The following PDS5B variants were observed in gnomAD, a reference collection of about 807,000 sequenced individuals.
PDS5B encodes the protein PDS5 cohesin associated factor B.
A neutral mutation model predicts 184.1 loss-of-function variants in PDS5B; 51 were observed. The observed-to-expected ratio is 0.28, with a 90% CI of 0.22 to 0.35. PDS5B has a LOEUF of 0.35. Ranked by LOEUF, PDS5B falls within the 10% of genes least tolerant of loss-of-function variation. The probability of loss-of-function intolerance (pLI) is 1.00; values close to 1 mark genes in which losing one functional copy is unlikely to be tolerated. For missense variants in PDS5B, 1,180 were observed against 1,723.3 expected (o/e 0.68, Z 5.58); for synonymous variants, 566 against 569.2 (o/e 0.99, Z 0.08).
intron 19 of PDS5B, among the ~76,000 whole-genome samples, chr13:32,716,968 T>C (rs1593499543): frequency 1.3e-5 from 1 of 79,768 alleles, no homozygotes; most frequent in African/African-American, 5.1e-5. Context: ...GGGAGGGAGG[T>C]GGGGGGGTCA....
chr13:32,632,829 C>T (rs183813626), intron 1 of PDS5B, among the ~76,000 whole-genome samples: 42 of 152,290 alleles, frequency 2.8e-4, no homozygotes, highest in Admixed American at 7.2e-4. Context: ...CTGGGCCAGG[C>T]GTGGTGGCTC....
At chr13:32,619,139 T>C (rs1243666982) in intron 1 of PDS5B, among the ~76,000 whole-genome samples, 1 of 144,410 alleles carries the variant, frequency 6.9e-6, no homozygotes, top group Non-Finnish European at 1.5e-5. Context: ...CTAAATGATT[T>C]AAAAATTTGG....
intron 19 of PDS5B, among the ~76,000 whole-genome samples, chr13:32,730,349 C>A (rs968678967): frequency 6.6e-6 from 1 of 152,024 alleles, no homozygotes; most frequent in Non-Finnish European, 1.5e-5. Context: ...GTTACTGTAG[C>A]CTTGTAGTAT....
At chr13:32,724,294 T>C (rs994980351) in intron 19 of PDS5B, among the ~76,000 whole-genome samples, 1 of 152,062 alleles carries the variant, frequency 6.6e-6, no homozygotes, top group Non-Finnish European at 1.5e-5. Flanking sequence ...TTTTAAACTT[T>C]TTGTAGAGAT....
intron 19 of PDS5B, among the ~76,000 whole-genome samples, chr13:32,725,702 C>G (rs1317980905): frequency 3.3e-5 from 5 of 152,138 alleles, no homozygotes; most frequent in South Asian, 4.1e-4. Flanking sequence ...TTCAATTTTA[C>G]ATTTATATCT....
At chr13:32,657,271 TATTTTTAGG>T (rs1189548837) in intron 3 of PDS5B, among the ~76,000 whole-genome samples, 1 of 152,236 alleles carries the variant, frequency 6.6e-6, no homozygotes, top group African/African-American at 2.4e-5. Context: ...TGGATGCATA[TATTTTTAGG>T]ATAGTTAGGT....
rs200384000 is a variant in PDS5B at position 32,758,530 on chromosome 13, G to A, written c.3190-4G>A. ...TCTGTGTTTTTAAAAATATACTATT[G>A]CAGAAACTGTACACTGTGTGTGATG... On this transcript the variant is annotated splice_polypyrimidine_tract_variant and splice_region_variant and intron_variant, in intron 27 of 34. Coordinates refer to ENST00000315596, the MANE Select transcript of PDS5B (RefSeq NM_015032.4). 1 of 1,607,788 alleles carries A rather than the reference G, an allele frequency of 6.2e-7. No homozygotes were observed. Among genetic ancestry groups the A allele is most frequent in the East Asian group, 2.2e-5 (1 of 44,786 alleles).
At chr13:32,771,641 C>T (rs573956305) in intron 33 of PDS5B, among the ~76,000 whole-genome samples, 1 of 152,070 alleles carries the variant, frequency 6.6e-6, no homozygotes, top group South Asian at 2.1e-4. Context: ...GGGTGTCTAG[C>T]CAGTACTTCA....
At chr13:32,597,900 A>T (rs1236156488) in intron 1 of PDS5B, among the ~76,000 whole-genome samples, 1 of 151,928 alleles carries the variant, frequency 6.6e-6, no homozygotes, top group Non-Finnish European at 1.5e-5. Context: ...TTTTAAAATG[A>T]TGAATTTTTT....
intron 1 of PDS5B, among the ~76,000 whole-genome samples, chr13:32,600,990 A>T (rs1167915754): frequency 6.6e-6 from 1 of 151,978 alleles, no homozygotes; most frequent in Non-Finnish European, 1.5e-5. Context: ...TCTCCTTTGA[A>T]TTTTCCCTTT....
intron 19 of PDS5B, among the ~76,000 whole-genome samples, chr13:32,714,561 G>C (rs571801733): frequency 1.3e-5 from 2 of 152,104 alleles, no homozygotes; most frequent in Non-Finnish European, 2.9e-5. Context: ...CACCTGGGGG[G>C]GCTGTTTATA....
chr13:32,760,343 T>A (rs1234819831), intron 29 of PDS5B, among the ~76,000 whole-genome samples: 1 of 152,248 alleles, frequency 6.6e-6, no homozygotes, highest in Non-Finnish European at 1.5e-5. Context: ...TCTCACTTTT[T>A]ATGTAAGCCG....
chr13:32,722,940 G>C (rs891173730), intron 19 of PDS5B, among the ~76,000 whole-genome samples: 1 of 152,216 alleles, frequency 6.6e-6, no homozygotes, highest in Non-Finnish European at 1.5e-5. Context: ...CCAGCTCTTT[G>C]CAGATTTACA....
At chr13:32,657,490 A>G (rs991867824) in intron 3 of PDS5B, among the ~76,000 whole-genome samples, 3 of 152,206 alleles carry the variant, frequency 2.0e-5, no homozygotes, top group African/African-American at 4.8e-5. Flanking sequence ...TAGACAGCAT[A>G]CAGTTGGGCC....
At chr13:32,673,676 A>C (rs1266380866) in intron 8 of PDS5B, among the ~76,000 whole-genome samples, 3 of 152,220 alleles carry the variant, frequency 2.0e-5, no homozygotes, top group Non-Finnish European at 4.4e-5. Context: ...CACAGTTTAT[A>C]GTAGTTCCTT....
At chr13:32,652,889 C>T (rs1008861915) in intron 3 of PDS5B, among the ~76,000 whole-genome samples, 1 of 152,056 alleles carries the variant, frequency 6.6e-6, no homozygotes, top group Non-Finnish European at 1.5e-5. Flanking sequence ...AGGGGAATAG[C>T]ACGAGTAATC....
intron 17 of PDS5B, among the ~76,000 whole-genome samples, chr13:32,702,004 G>A (rs774218616): frequency 6.6e-6 from 1 of 152,062 alleles, no homozygotes; most frequent in South Asian, 2.1e-4. Flanking sequence ...GTGGGAAGAG[G>A]TGTTTTTTTA....
intron 1 of PDS5B, among the ~76,000 whole-genome samples, chr13:32,632,280 G>C (rs1426124880): frequency 6.6e-6 from 1 of 152,012 alleles, no homozygotes; most frequent in Non-Finnish European, 1.5e-5. Context: ...TCTTTAACAA[G>C]GATTTAATGT....
intron 31 of PDS5B, among the ~76,000 whole-genome samples, chr13:32,765,499 G>A (rs1954555352): frequency 6.6e-6 from 1 of 152,162 alleles, no homozygotes; most frequent in African/African-American, 2.4e-5. Flanking sequence ...CATCTTCCAC[G>A]AGTCCAGCAT....
Sources: allele counts gnomAD v4.1 joint callset (sites outside exome capture counted in the v4.1 genomes callset), GRCh38; gene constraint gnomAD v4.1.1; transcripts MANE v1.5; gene names NCBI Gene and HGNC (gene_info 2026-07-23, HGNC 2026-07-21).